Variants in DLG2 observed in about 807,000 individuals in gnomAD.
DLG2 encodes disks large homolog 2.
In DLG2, 45 loss-of-function variants were observed where a neutral mutation model predicts 132.5. That is an observed-to-expected ratio of 0.34 (90% CI 0.27 to 0.44). DLG2 has a LOEUF of 0.44. Ranked by LOEUF, DLG2 falls within the 20% of genes least tolerant of loss-of-function variation. The pLI is 1.00. For missense variants in DLG2, 1,045 were observed against 1,196.9 expected, an observed-to-expected ratio of 0.87 and a Z score of 1.87; for synonymous variants, 424 against 419.6, an observed-to-expected ratio of 1.01 and a Z score of -0.13.
chr11:85,223,102 T>C (rs2074759953), intron 4 of DLG2, among the ~76,000 whole-genome samples: 1 of 152,214 alleles, frequency 6.6e-6, no homozygotes, highest in African/African-American at 2.4e-5. Flanking sequence ...AAAGAAACTT[T>C]GTTTGTTACT....
intron 6 of DLG2, among the ~76,000 whole-genome samples, chr11:84,947,762 A>G (rs1234193146): frequency 3.3e-5 from 5 of 152,172 alleles, no homozygotes; most frequent in African/African-American, 1.2e-4. Flanking sequence ...ATTATTCTCA[A>G]TTTACCAGGG....
At chr11:84,705,762 T>C (rs1452364306) in intron 6 of DLG2, among the ~76,000 whole-genome samples, 1 of 151,776 alleles carries the variant, frequency 6.6e-6, no homozygotes, top group African/African-American at 2.4e-5. Flanking sequence ...GTAGAAATTA[T>C]ATGCAGATAA....
chr11:85,492,963 T>A (rs1386565765), intron 3 of DLG2, among the ~76,000 whole-genome samples: 1 of 151,860 alleles, frequency 6.6e-6, no homozygotes, highest in Non-Finnish European at 1.5e-5. Context: ...TTTGTTGGAG[T>A]GACTTTTGAA....
At chr11:84,994,178 G>A (rs367883688) in intron 6 of DLG2, among the ~76,000 whole-genome samples, 1 of 152,180 alleles carries the variant, frequency 6.6e-6, no homozygotes, top group Non-Finnish European at 1.5e-5. Context: ...ATGTAGTCCA[G>A]GTTTAGCTAC....
chr11:83,692,305 T>C (rs946107464), intron 18 of DLG2, among the ~76,000 whole-genome samples: 2 of 152,342 alleles, frequency 1.3e-5, no homozygotes, highest in South Asian at 4.1e-4. Context: ...TGGCAAATCA[T>C]TTAAACAGCC....
At chr11:84,105,801 C>T (rs1464833986) in intron 9 of DLG2, among the ~76,000 whole-genome samples, 1 of 152,074 alleles carries the variant, frequency 6.6e-6, no homozygotes, top group Admixed American at 6.6e-5. Context: ...CCCCAAGATT[C>T]CTATATGCTT....
At chr11:85,232,836 C>T (rs2152651024) in intron 4 of DLG2, among the ~76,000 whole-genome samples, 1 of 151,892 alleles carries the variant, frequency 6.6e-6, no homozygotes, top group Middle Eastern at 3.4e-3. Context: ...GACAGGAAGC[C>T]CTGTCACAGC....
intron 7 of DLG2, among the ~76,000 whole-genome samples, chr11:84,473,036 G>T (rs1450579368): frequency 6.6e-6 from 1 of 151,930 alleles, no homozygotes; most frequent in East Asian, 1.9e-4. Context: ...GGAACTTAGA[G>T]TGTGTCTAGT....
chr11:84,250,891 A>T (rs1378280451), intron 8 of DLG2, among the ~76,000 whole-genome samples: 1 of 152,208 alleles, frequency 6.6e-6, no homozygotes, highest in Non-Finnish European at 1.5e-5. Flanking sequence ...TATCACAGAA[A>T]TTGACTTGAA....
At chr11:84,172,126 A>C (rs2095838703) in intron 8 of DLG2, among the ~76,000 whole-genome samples, 1 of 152,224 alleles carries the variant, frequency 6.6e-6, no homozygotes, top group Admixed American at 6.5e-5. Context: ...TTATTTAAAC[A>C]CTTAGTAGTA....
Position 84,190,955 on chromosome 11 carries a change from C to A in DLG2, c.574-27444G>T, listed in dbSNP as rs181047942. Among the ~76,000 whole-genome samples, 326 of 152,202 alleles carry A rather than the reference C, an allele frequency of 2.1e-3. 1 individual carries two copies. The highest frequency in any genetic ancestry group is 7.5e-3 in the African/African-American group (313 of 41,510). On this transcript the variant is annotated intron_variant, in intron 8 of 27. Transcript: ENST00000376104. ...AGTATTGCACACATCAAAATAAACA[C>A]GTTCATTAAGTATGTACTGACCAAA...
intron 19 of DLG2, among the ~76,000 whole-genome samples, chr11:83,550,023 T>C (rs2096349017): frequency 6.6e-6 from 1 of 152,218 alleles, no homozygotes; most frequent in South Asian, 2.1e-4. Flanking sequence ...ATTTATTATG[T>C]TCTGTGGATT....
rs1333832348 is a variant in DLG2 at position 84,512,780 on chromosome 11, G to A, written c.519+21790C>T. Among the ~76,000 whole-genome samples the A allele has an allele frequency of 3.3e-5, 5 of 151,960 alleles. No homozygotes were observed. In the South Asian group the frequency reaches 8.3e-4, roughly 25 times the overall value. On this transcript the variant is annotated intron_variant, in intron 7 of 27. Coordinates refer to ENST00000376104, the MANE Select transcript of DLG2 (RefSeq NM_001142699.3). ...ATAATGGGTAAAGAAAATGTGGCAC[G>A]TATACACCATGGAATACTACACAGC...
rs571879698 is a variant in DLG2 at position 84,776,832 on chromosome 11, T to C, written c.358-242101A>G. ...TGGACATTTGGTATCTTTCCAGCTATAGAAGATTAGGGATAAATCTGCTAT... is the reference window on the plus strand; with the variant it reads ...TGGACATTTGGTATCTTTCCAGCTACAGAAGATTAGGGATAAATCTGCTAT... On this transcript the variant is annotated intron_variant, in intron 6 of 27. Transcript: ENST00000376104. 2.0e-5 allele frequency among the ~76,000 whole-genome samples: 3 copies of C among 152,298 alleles called. No individual in the cohort carries two copies. In the East Asian group the frequency reaches 5.8e-4, roughly 29 times the overall value.
At chr11:85,082,380 G>A (rs1359862839) in intron 6 of DLG2, among the ~76,000 whole-genome samples, 1 of 152,004 alleles carries the variant, frequency 6.6e-6, no homozygotes, top group Non-Finnish European at 1.5e-5. Flanking sequence ...GCCATTCCAG[G>A]CCTTCTCAAA....
chr11:85,152,458 C>G (rs2077318398), intron 5 of DLG2, among the ~76,000 whole-genome samples: 1 of 152,080 alleles, frequency 6.6e-6, no homozygotes, highest in Admixed American at 6.5e-5. Flanking sequence ...AGGCTGGTCT[C>G]AAACTCGTGG....
intron 8 of DLG2, among the ~76,000 whole-genome samples, chr11:84,235,543 TA>T (rs778921474): frequency 4.1e-4 from 61 of 147,626 alleles, no homozygotes; most frequent in African/African-American, 4.7e-4. Context: ...GAACCTGTCT[TA>T]AAAAAAAAAA....
chr11:83,814,931 C>G (rs1370760072), intron 17 of DLG2: 2 of 193,832 alleles, frequency 1.0e-5, no homozygotes, highest in African/African-American at 4.7e-5. Flanking sequence ...CTTGCACAGT[C>G]AAGAAATGGA....
intron 9 of DLG2, among the ~76,000 whole-genome samples, chr11:84,102,066 G>A (rs772379515): frequency 1.6e-4 from 24 of 152,058 alleles, no homozygotes; most frequent in African/African-American, 4.1e-4. Flanking sequence ...ACTTCACATC[G>A]CCTTCTTGAC....
Sources: allele counts gnomAD v4.1 joint callset (sites outside exome capture counted in the v4.1 genomes callset), GRCh38; gene constraint gnomAD v4.1.1; transcripts MANE v1.5; gene names NCBI Gene and HGNC (gene_info 2026-07-23, HGNC 2026-07-21).